NINL: variants seen among roughly 807,000 people sequenced by gnomAD.
NINL encodes ninein-like protein.
Under a neutral mutation model 160.3 loss-of-function variants are expected in NINL, and 153 were observed. The observed-to-expected ratio is 0.95, with a 90% confidence interval of 0.84 to 1.09. The LOEUF is 1.09. Ranked by LOEUF, NINL falls within the 50% of genes least tolerant of loss-of-function variation. NINL has a pLI of 0.00. For synonymous variants in NINL, 800 were observed against 734.8 expected (o/e 1.09, Z -1.43); for missense variants, 1,829 against 1,764.0 (o/e 1.04, Z -0.66).
rs556367961 is a variant in NINL, at chr20:25,488,401, T to G, written c.1677+843A>C. On this transcript the variant is annotated intron_variant, in intron 13 of 23. Coordinates refer to ENST00000278886, the MANE Select transcript of NINL (RefSeq NM_025176.6). ...GCACCACACCCAGCTGATTTTTGTA[T>G]TTTTAGTAGAGATGGGGTTTCACCA... is the stretch of plus-strand genomic sequence containing the variant. Among the ~76,000 whole-genome samples, 27 of 152,212 alleles carry G rather than the reference T, an allele frequency of 1.8e-4. No homozygotes were observed. In the South Asian group the frequency reaches 4.8e-3, roughly 27 times the overall value.
At chr20:25,531,844 G>A (rs1185448491) in intron 1 of NINL, among the ~76,000 whole-genome samples, 1 of 152,206 alleles carries the variant, frequency 6.6e-6, no homozygotes, top group Non-Finnish European at 1.5e-5. Context: ...TCTCCCGGCT[G>A]TGGGCAAGTC....
intron 1 of NINL, among the ~76,000 whole-genome samples, chr20:25,533,687 T>C (rs935885106): frequency 3.3e-5 from 5 of 152,146 alleles, no homozygotes; most frequent in Non-Finnish European, 7.3e-5. Context: ...AAAAAGACTG[T>C]CTCTCCAATA....
chr20:25,582,332 C>G (rs1197028020), intron 1 of NINL, among the ~76,000 whole-genome samples: 1 of 151,956 alleles, frequency 6.6e-6, no homozygotes, highest in East Asian at 1.9e-4. Context: ...TGCTTTCTTT[C>G]CAATTTGATG....
chr20:25,503,670 A>G (rs1019370643), intron 7 of NINL, among the ~76,000 whole-genome samples: 2 of 152,198 alleles, frequency 1.3e-5, no homozygotes, highest in Non-Finnish European at 2.9e-5. Context: ...GGAGGTGTGC[A>G]CCCGAACCAC....
chr20:25,562,421 T>G (rs2064955037), intron 1 of NINL, among the ~76,000 whole-genome samples: 1 of 119,418 alleles, frequency 8.4e-6, no homozygotes, highest in African/African-American at 3.3e-5. Context: ...GAAGTAGACA[T>G]GGGAGACTTT....
intron 1 of NINL, among the ~76,000 whole-genome samples, chr20:25,557,974 CAAAAA>C (rs3036848): frequency 2.3e-5 from 3 of 132,732 alleles, no homozygotes; most frequent in Non-Finnish European, 3.2e-5. Flanking sequence ...ACTAAAAATA[CAAAAA>C]AAAAAAAAAA....
At chr20:25,455,247 G>A (rs911122106) in intron 23 of NINL, among the ~76,000 whole-genome samples, 6 of 152,218 alleles carry the variant, frequency 3.9e-5, no homozygotes, top group South Asian at 2.1e-4. Flanking sequence ...CCACCCCACC[G>A]GCTCCTTCCA....
intron 1 of NINL, among the ~76,000 whole-genome samples, chr20:25,552,368 C>T (rs1256917788): frequency 6.6e-6 from 1 of 151,996 alleles, no homozygotes; most frequent in Non-Finnish European, 1.5e-5. Context: ...ACCCTCCCCA[C>T]CTCAAAAAGA....
At chr20:25,507,095 C>A (rs765601903) in intron 5 of NINL, among the ~76,000 whole-genome samples, 1 of 152,182 alleles carries the variant, frequency 6.6e-6, no homozygotes, top group Non-Finnish European at 1.5e-5. Context: ...ATAGCCCATG[C>A]CTTTTTAAAG....
At chr20:25,474,153 T>C (rs960359502) in intron 17 of NINL, among the ~76,000 whole-genome samples, 1 of 152,118 alleles carries the variant, frequency 6.6e-6, no homozygotes, top group Non-Finnish European at 1.5e-5. Flanking sequence ...AGAGTCAGTG[T>C]TGGAGTAAGG....
intron 8 of NINL, among the ~76,000 whole-genome samples, chr20:25,499,663 G>A (rs1339247523): frequency 6.6e-6 from 1 of 152,108 alleles, no homozygotes; most frequent in African/African-American, 2.4e-5. Flanking sequence ...GGTAACAGAT[G>A]AGGTTGCGCC....
chr20:25,567,971 T>C (rs762210521), intron 1 of NINL, among the ~76,000 whole-genome samples: 2 of 151,666 alleles, frequency 1.3e-5, no homozygotes, highest in African/African-American at 2.4e-5. Flanking sequence ...ATGCTTATAA[T>C]AGAAAAGAAG....
At chr20:25,457,951 G>A (rs448866) in intron 22 of NINL, among the ~76,000 whole-genome samples, 4,122 of 152,248 alleles carry the variant, frequency 0.027, 179 homozygotes, top group African/African-American at 0.09. Flanking sequence ...GGTAGTGGGC[G>A]GGATCCCACC....
At chr20:25,519,984 C>T (rs374052995) in intron 2 of NINL, among the ~76,000 whole-genome samples, 27 of 89,130 alleles carry the variant, frequency 3.0e-4, no homozygotes, top group African/African-American at 1.1e-3. Flanking sequence ...AGTGAGACCC[C>T]GTCTCAAAAA....
Position 25,476,541 on chromosome 20 carries a change from T to A in NINL, c.2750A>T (p.Asp917Val). Residue 917 changes from aspartate (D) to valine (V), a missense_variant, in exon 17 of 24, where the codon GAT becomes GTT. Coordinates refer to ENST00000278886, the MANE Select transcript of NINL (RefSeq NM_025176.6). ...SRMQPCGVDGDIVPKEPEPFG... is the reference protein window; with the variant it reads ...SRMQPCGVDGVIVPKEPEPFG... ...AGGCTCTGGCTCCTTTGGGACAATA[T>A]CCCCATCCACTCCACAGGGCTGCAT... is the stretch of plus-strand genomic sequence containing the variant. 6.2e-7 allele frequency: 1 copy of A among 1,600,266 alleles called. No homozygotes were observed.
intron 1 of NINL, among the ~76,000 whole-genome samples, chr20:25,532,678 G>C (rs1181774989): frequency 1.3e-5 from 2 of 152,382 alleles, no homozygotes; most frequent in Admixed American, 1.3e-4. Flanking sequence ...CTATTGGTGA[G>C]TCAGGTGCGG....
chr20:25,509,577 C>G (rs1034118614), intron 5 of NINL: 11 of 444,484 alleles, frequency 2.5e-5, no homozygotes, highest in Non-Finnish European at 5.0e-5. Flanking sequence ...TATGCCAAGC[C>G]TGCTGCAAGG....
chr20:25,478,392 TCTC>T (rs1168980521), intron 16 of NINL, among the ~76,000 whole-genome samples: 1 of 152,186 alleles, frequency 6.6e-6, no homozygotes. Flanking sequence ...AGGCACTTCC[TCTC>T]CTACCTCAGA....
At chr20:25,513,798 C>T (rs1440783299) in intron 3 of NINL, among the ~76,000 whole-genome samples, 1 of 152,220 alleles carries the variant, frequency 6.6e-6, no homozygotes, top group Non-Finnish European at 1.5e-5. Flanking sequence ...TAAGACATGC[C>T]TGCTTCCCCT....
Sources: gnomAD v4.1 joint callset for allele counts (sites outside exome capture counted in the v4.1 genomes callset) on GRCh38, gnomAD v4.1.1 for gene constraint, MANE v1.5 for transcripts, NCBI Gene and HGNC (gene_info 2026-07-23, HGNC 2026-07-21) for gene names.